Variants in C1orf94 observed in about 807,000 individuals in gnomAD.
The protein encoded by C1orf94 is uncharacterized protein C1orf94.
In C1orf94, 45 loss-of-function variants were observed where a neutral mutation model predicts 53.6. The observed-to-expected ratio is 0.84, with a 90% CI of 0.66 to 1.08. C1orf94 has a LOEUF of 1.08. C1orf94 is among the 50% of genes least tolerant of loss of function. The pLI is 0.00. For missense variants in C1orf94, 762 were observed against 738.9 expected (o/e 1.03, Z -0.36); for synonymous variants, 304 against 296.1 (o/e 1.03, Z -0.27).
chr1:34,212,158 G>C, intron 5 of C1orf94, 52 bp from the exon 6 acceptor site: 2 of 1,528,776 alleles, frequency 1.3e-6, no homozygotes, highest in South Asian at 2.6e-5. Context: ...GCTGGGGTTA[G>C]AGTTGGGCTG....
chr1:34,218,510 T>C (rs542066110), intron 6 of C1orf94, among the ~76,000 whole-genome samples, 176 bp from the exon 7 acceptor site: 1 of 152,182 alleles, frequency 6.6e-6, no homozygotes, highest in Admixed American at 6.5e-5. Flanking sequence ...AATTGTATTA[T>C]TTTAATATTT....
chr1:34,218,652 T>A, intron 6 of C1orf94, 34 bp from the exon 7 acceptor site: 1 of 1,560,790 alleles, frequency 6.4e-7, no homozygotes, highest in Non-Finnish European at 8.8e-7. Flanking sequence ...ACATTAGGAA[T>A]CTCATCATGG....
intron 4 of C1orf94, among the ~76,000 whole-genome samples, chr1:34,205,051 C>T (rs1395866063): frequency 6.6e-6 from 1 of 152,156 alleles, no homozygotes; most frequent in Non-Finnish European, 1.5e-5. Context: ...CAATGGTTTG[C>T]TTTATTAAGT....
chr1:34,208,068 C>G, intron 4 of C1orf94, 89 bp from the exon 5 acceptor site: 1 of 1,322,046 alleles, frequency 7.6e-7, no homozygotes, highest in South Asian at 1.3e-5. Context: ...GGGACAAACT[C>G]AGTCCTGTCT....
rs1213155476 is a variant in C1orf94, at chr1:34,191,790, G to A, written c.321-5435G>A. ...TTTCATCTTTGCTCTGTGTTATCAT[G>A]TACACAGAACTGCTGTTGGGGAGCT... is the stretch of plus-strand genomic sequence containing the variant. On this transcript the variant is annotated intron_variant, in intron 1 of 6. Coordinates refer to ENST00000488417, the MANE Select transcript of C1orf94 (RefSeq NM_001134734.2). 3.3e-5 allele frequency among the ~76,000 whole-genome samples: 5 copies of A among 152,154 alleles called. No individual in the cohort carries two copies. In the East Asian group the frequency reaches 7.7e-4, roughly 23 times the overall value.
At chr1:34,194,953 G>T (rs926497891) in intron 1 of C1orf94, among the ~76,000 whole-genome samples, 7 of 152,076 alleles carry the variant, frequency 4.6e-5, no homozygotes, top group African/African-American at 1.7e-4. Context: ...AGAAGAGGAG[G>T]GGGATCTAAA....
intron 5 of C1orf94, among the ~76,000 whole-genome samples, chr1:34,211,007 A>C (rs1642880339): frequency 6.6e-6 from 1 of 151,988 alleles, no homozygotes; most frequent in Admixed American, 6.5e-5. Context: ...GAGGGCTGTC[A>C]GAGTGCCTGA....
At chr1:34,213,833 G>A (rs1012085803) in intron 6 of C1orf94, among the ~76,000 whole-genome samples, 1 of 151,986 alleles carries the variant, frequency 6.6e-6, no homozygotes, top group Non-Finnish European at 1.5e-5. Context: ...GAGCCACCGT[G>A]CCCAGCATCC....
intron 1 of C1orf94, among the ~76,000 whole-genome samples, chr1:34,184,033 G>A (rs115346300): frequency 1.6e-4 from 25 of 152,230 alleles, no homozygotes; most frequent in African/African-American, 5.3e-4. Context: ...CCATGGAAGC[G>A]CACTGAGGGG....
At chr1:34,186,805 C>T (rs75325675) in intron 1 of C1orf94, among the ~76,000 whole-genome samples, 3,256 of 152,282 alleles carry the variant, frequency 0.021, 70 homozygotes, top group East Asian at 0.076. Flanking sequence ...TGGCACATAT[C>T]GTGTGCTGCC....
intron 1 of C1orf94, among the ~76,000 whole-genome samples, chr1:34,191,264 A>G (rs1360361030): frequency 1.3e-5 from 2 of 152,198 alleles, no homozygotes; most frequent in African/African-American, 4.8e-5. Flanking sequence ...GGGGGATTAA[A>G]ATGAGAGTTT....
At chr1:34,173,649 T>C (rs1387085636), upstream of C1orf94, among the ~76,000 whole-genome samples, 2 of 152,250 alleles carry the variant, frequency 1.3e-5, no homozygotes, top group East Asian at 3.8e-4. Context: ...ACATGTATTA[T>C]TTCATTATCG....
chr1:34,179,027 A>G (rs1057087582), intron 1 of C1orf94, among the ~76,000 whole-genome samples: 1 of 152,256 alleles, frequency 6.6e-6, no homozygotes, highest in Non-Finnish European at 1.5e-5. Flanking sequence ...GCTCCAACAC[A>G]TGCTACAGCT....
chr1:34,191,771 C>T (rs1172475079), intron 1 of C1orf94, among the ~76,000 whole-genome samples: 1 of 152,148 alleles, frequency 6.6e-6, no homozygotes, highest in Non-Finnish European at 1.5e-5. Flanking sequence ...CAGTTTTCAT[C>T]TTTGCTCTGT....
Position 34,210,962 on chromosome 1 carries a change from AT to A in C1orf94, c.1525-1237del, listed in dbSNP as rs35011326. Among the ~76,000 whole-genome samples the A allele has an allele frequency of 8.0e-3, 1,182 of 146,938 alleles. 8 individuals are homozygous for A. Among genetic ancestry groups the A allele is most frequent in the African/African-American group, 0.024 (980 of 40,376 alleles). On this transcript the variant is annotated intron_variant, in intron 5 of 6. Transcript: ENST00000488417. ...CCAACGCACCCAGCCCCCTTTGTGG[AT>A]TTTTTTTTTTAGATAAGGGTGTATG...
chr1:34,212,138 G>A, intron 5 of C1orf94, 72 bp from the exon 6 acceptor site: 1 of 1,394,546 alleles, frequency 7.2e-7, no homozygotes, highest in Non-Finnish European at 9.8e-7. Context: ...GCTGAGACTG[G>A]GGGTGGGTGG....
chr1:34,189,602 A>G (rs1233843355), intron 1 of C1orf94, among the ~76,000 whole-genome samples: 1 of 150,762 alleles, frequency 6.6e-6, no homozygotes. Context: ...AGAAGTGCCC[A>G]CCGGCCTTGG....
intron 6 of C1orf94, among the ~76,000 whole-genome samples, 177 bp downstream of exon 6, chr1:34,212,583 T>C (rs910356542): frequency 2.6e-5 from 4 of 152,060 alleles, no homozygotes; most frequent in African/African-American, 2.4e-5. Context: ...GGTGCAGAGA[T>C]GAAGAGGGTC....
intron 1 of C1orf94, among the ~76,000 whole-genome samples, chr1:34,187,601 A>T (rs1571338956): frequency 6.6e-6 from 1 of 151,348 alleles, no homozygotes; most frequent in East Asian, 1.9e-4. Flanking sequence ...AAAAAAAAAC[A>T]CCTCTTCCTT....
Sources: gnomAD v4.1 joint callset for allele counts (sites outside exome capture counted in the v4.1 genomes callset) on GRCh38, gnomAD v4.1.1 for gene constraint, MANE v1.5 for transcripts, NCBI Gene and HGNC (gene_info 2026-07-23, HGNC 2026-07-21) for gene names.